CSGALNACT1: variants seen among roughly 807,000 people sequenced by gnomAD.
CSGALNACT1 encodes beta4GalNAcT-1.
CSGALNACT1 carries 52 observed loss-of-function variants against 51.0 expected under a neutral mutation model. The observed-to-expected ratio is 1.02, with a 90% CI of 0.82 to 1.29. The LOEUF (loss-of-function observed/expected upper bound fraction) is 1.29. CSGALNACT1 is among the 50% of genes most tolerant of loss of function. CSGALNACT1 has a pLI of 0.00. For synonymous variants in CSGALNACT1, 341 were observed against 254.4 expected, an observed-to-expected ratio of 1.34 and a Z score of -3.24; for missense variants, 935 against 679.2, an observed-to-expected ratio of 1.38 and a Z score of -4.19.
chr8:19,604,740 T>C (rs1289530950), upstream of CSGALNACT1, among the ~76,000 whole-genome samples: 2 of 135,056 alleles, frequency 1.5e-5, no homozygotes, highest in African/African-American at 5.8e-5. Flanking sequence ...ACCCCGTCTC[T>C]ACTTTAAAAA....
At chr8:19,508,177 G>A (rs2077738590) in intron 3 of CSGALNACT1, among the ~76,000 whole-genome samples, 1 of 152,144 alleles carries the variant, frequency 6.6e-6, no homozygotes, top group African/African-American at 2.4e-5. Context: ...CAGGACCCTT[G>A]GGAGAAAAGA....
intron 3 of CSGALNACT1, among the ~76,000 whole-genome samples, chr8:19,547,512 T>C (rs562150519): frequency 6.6e-6 from 1 of 152,324 alleles, no homozygotes; most frequent in East Asian, 1.9e-4. Context: ...TGTAAGGGGT[T>C]TCCCCCTTCG....
chr8:19,458,707 A>G (rs888059420), intron 4 of CSGALNACT1, 65 bp from the exon 4 acceptor site: 115 of 1,442,876 alleles, frequency 8.0e-5, no homozygotes, highest in Non-Finnish European at 1.1e-4. Flanking sequence ...GTGTTTTTCA[A>G]CCGAGATCTA....
intron 3 of CSGALNACT1, among the ~76,000 whole-genome samples, chr8:19,548,403 A>G (rs1301440897): frequency 6.6e-6 from 1 of 152,132 alleles, no homozygotes; most frequent in African/African-American, 2.4e-5. Context: ...GAGACTAAAA[A>G]ATAGATTATT....
At chr8:19,511,367 C>T (rs986402763) in intron 3 of CSGALNACT1, among the ~76,000 whole-genome samples, 7 of 152,228 alleles carry the variant, frequency 4.6e-5, no homozygotes, top group Non-Finnish European at 7.3e-5. Flanking sequence ...AGCTCTTTGA[C>T]AGCAAGGGCA....
At chr8:19,521,760 T>C (rs1254719518) in intron 3 of CSGALNACT1, among the ~76,000 whole-genome samples, 1 of 152,140 alleles carries the variant, frequency 6.6e-6, no homozygotes, top group Admixed American at 6.5e-5. Context: ...CAAGAGAAGT[T>C]CTAGGAGAAA....
At chr8:19,443,720 G>C (rs902733859) in intron 5 of CSGALNACT1, among the ~76,000 whole-genome samples, 5 of 152,186 alleles carry the variant, frequency 3.3e-5, no homozygotes, top group African/African-American at 4.8e-5. Flanking sequence ...GCTGAGATGT[G>C]GGTGGGGATA....
intron 1 of CSGALNACT1, among the ~76,000 whole-genome samples, chr8:19,735,878 C>G (rs2063939530): frequency 6.6e-6 from 1 of 152,066 alleles, no homozygotes; most frequent in African/African-American, 2.4e-5. Flanking sequence ...CAAAAGTGAA[C>G]AAATATATAG....
chr8:19,518,517 A>G (rs2079998573), intron 3 of CSGALNACT1, among the ~76,000 whole-genome samples: 1 of 152,294 alleles, frequency 6.6e-6, no homozygotes, highest in Middle Eastern at 3.4e-3. Context: ...TGTGAGCCCT[A>G]TGTAAATCAG....
At chr8:19,601,837 T>C (rs1475108000) in exon 2 of CSGALNACT1, 1 of 453,968 alleles carries the variant, frequency 2.2e-6, no homozygotes, top group African/African-American at 2.0e-5. Flanking sequence ...AAAATTACCT[T>C]GGCGTCTTTC....
chr8:19,496,601 T>C (rs1351345999), intron 4 of CSGALNACT1, among the ~76,000 whole-genome samples: 2 of 152,168 alleles, frequency 1.3e-5, no homozygotes, highest in Non-Finnish European at 2.9e-5. Flanking sequence ...AAGAACCACA[T>C]AACCTTAGAA....
chr8:19,683,631 G>T (rs1373753633), upstream of CSGALNACT1, among the ~76,000 whole-genome samples: 1 of 151,842 alleles, frequency 6.6e-6, no homozygotes, highest in Admixed American at 6.6e-5. Flanking sequence ...AAAGGAAAAT[G>T]GAATAGACAG....
At chr8:19,693,363 T>A (rs745599672) in intron 1 of CSGALNACT1, among the ~76,000 whole-genome samples, 6 of 152,074 alleles carry the variant, frequency 3.9e-5, no homozygotes, top group Non-Finnish European at 5.9e-5. Flanking sequence ...GGTACCACCA[T>A]CCTCTCTCTG....
intron 3 of CSGALNACT1, among the ~76,000 whole-genome samples, chr8:19,519,405 CT>C (rs2080193519): frequency 6.6e-6 from 1 of 152,144 alleles, no homozygotes; most frequent in South Asian, 2.1e-4. Context: ...TTCAATCAGC[CT>C]TACGTTGCAA....
chr8:19,629,896 T>A (rs967754239), intron 1 of CSGALNACT1, among the ~76,000 whole-genome samples: 2 of 151,926 alleles, frequency 1.3e-5, no homozygotes, highest in Non-Finnish European at 2.9e-5. Context: ...AGCACGTGAG[T>A]CTCATTTTAA....
At chr8:19,626,601 G>T (rs2054488868) in intron 1 of CSGALNACT1, among the ~76,000 whole-genome samples, 1 of 152,192 alleles carries the variant, frequency 6.6e-6, no homozygotes. Flanking sequence ...TTATAAATTT[G>T]TTTTCCACAA....
At chr8:19,648,254 C>T (rs954169551) in intron 1 of CSGALNACT1, among the ~76,000 whole-genome samples, 1 of 152,118 alleles carries the variant, frequency 6.6e-6, no homozygotes, top group East Asian at 1.9e-4. Context: ...ATCAAATTTC[C>T]AAGTATGGAT....
At chr8:19,591,506 G>A (rs2047811054) in intron 2 of CSGALNACT1, among the ~76,000 whole-genome samples, 1 of 152,282 alleles carries the variant, frequency 6.6e-6, no homozygotes, top group African/African-American at 2.4e-5. Flanking sequence ...TTCAACTGAA[G>A]TCCAACCGTG....
In CSGALNACT1 at chr8:19,566,574, A is replaced by G. The variant is rs2041950966; in HGVS notation, c.-297+24586T>C. Among the ~76,000 whole-genome samples, 3 of 152,322 alleles carry G rather than the reference A, an allele frequency of 2.0e-5. No homozygotes were observed. The South Asian group carries it at 6.2e-4, about 32-fold the overall frequency. ...TACAATAAATATTAGTTACCAAAAA[A>G]GATGTTTCCGTTTCTAAGAAAATAG... On this transcript the variant is annotated intron_variant, in intron 3 of 9. Coordinates refer to ENST00000454498, the Ensembl canonical transcript of CSGALNACT1.
Sources: allele counts gnomAD v4.1 joint callset (sites outside exome capture counted in the v4.1 genomes callset), GRCh38; gene constraint gnomAD v4.1.1; transcripts MANE v1.5; gene names NCBI Gene and HGNC (gene_info 2026-07-23, HGNC 2026-07-21).